The following SLC22A3 variants were observed in gnomAD, a reference collection of about 807,000 sequenced individuals.
SLC22A3 encodes solute carrier family 22 member 3.
Under a neutral mutation model 59.1 loss-of-function variants are expected in SLC22A3, and 51 were observed. The ratio of observed to expected loss-of-function variants is 0.86; its 90% CI spans 0.69 to 1.09. SLC22A3 has a LOEUF of 1.09. Among genes scored for constraint, SLC22A3 ranks in the 50% least tolerant of loss-of-function variants. The pLI, the probability that SLC22A3 is intolerant of heterozygous loss-of-function variation, is 0.00. For synonymous variants in SLC22A3, 325 were observed against 292.0 expected (o/e 1.11, Z -1.15); for missense variants, 711 against 726.3 (o/e 0.98, Z 0.24).
chr6:160,355,541 C>A (rs1360320585), intron 1 of SLC22A3, among the ~76,000 whole-genome samples: 1 of 151,732 alleles, frequency 6.6e-6, no homozygotes, highest in African/African-American at 2.4e-5. Context: ...GTGGGCAGAT[C>A]ACGAGGTCAG....
intron 1 of SLC22A3, among the ~76,000 whole-genome samples, chr6:160,354,130 A>G (rs569768021): frequency 9.2e-4 from 140 of 152,318 alleles, no homozygotes; most frequent in Non-Finnish European, 1.6e-3. Context: ...CAGATGTTGC[A>G]GAGACATCTG....
chr6:160,436,409 A>G (rs1051020911), intron 5 of SLC22A3, among the ~76,000 whole-genome samples: 25 of 152,176 alleles, frequency 1.6e-4, no homozygotes, highest in African/African-American at 5.6e-4. Context: ...TTTGTTTGTG[A>G]AAGTCAGATT....
chr6:160,427,176 G>A (rs751663709), intron 5 of SLC22A3, among the ~76,000 whole-genome samples: 1 of 152,176 alleles, frequency 6.6e-6, no homozygotes, highest in Non-Finnish European at 1.5e-5. Flanking sequence ...TGATGGGGAA[G>A]GTTGAGGGCA....
At chr6:160,406,159 C>T (rs1787005983) in intron 2 of SLC22A3, among the ~76,000 whole-genome samples, 1 of 152,076 alleles carries the variant, frequency 6.6e-6, no homozygotes, top group Admixed American at 6.6e-5. Context: ...AAGGAGTATG[C>T]TGTGCATGTG....
At chr6:160,362,197 C>G (rs1785035304) in intron 1 of SLC22A3, among the ~76,000 whole-genome samples, 1 of 152,220 alleles carries the variant, frequency 6.6e-6, no homozygotes, top group African/African-American at 2.4e-5. Flanking sequence ...AGATGCCTCT[C>G]AGTTTCCATC....
chr6:160,401,625 A>G (rs1786785429), intron 2 of SLC22A3, among the ~76,000 whole-genome samples: 1 of 151,996 alleles, frequency 6.6e-6, no homozygotes, highest in South Asian at 2.1e-4. Flanking sequence ...GCAATTGAGA[A>G]TATGTTTCTT....
chr6:160,373,476 C>T (rs1785474860), intron 1 of SLC22A3, among the ~76,000 whole-genome samples: 1 of 152,146 alleles, frequency 6.6e-6, no homozygotes, highest in Non-Finnish European at 1.5e-5. Flanking sequence ...AGTCAGGAGG[C>T]ATGGTGGTTA....
At chr6:160,403,439 ATGGG>A (rs2114844454) in intron 2 of SLC22A3, among the ~76,000 whole-genome samples, 1 of 152,036 alleles carries the variant, frequency 6.6e-6, no homozygotes, top group East Asian at 1.9e-4. Context: ...CCAGGCCCAG[ATGGG>A]TTCACAGGTG....
chr6:160,425,038 G>T (rs1332553172), intron 5 of SLC22A3, among the ~76,000 whole-genome samples: 2 of 152,130 alleles, frequency 1.3e-5, no homozygotes, highest in East Asian at 1.9e-4. Flanking sequence ...TCTCAAGTTA[G>T]CAGGGGACAG....
intron 9 of SLC22A3, among the ~76,000 whole-genome samples, chr6:160,444,560 T>G (rs576441231): frequency 6.6e-6 from 1 of 151,994 alleles, no homozygotes; most frequent in Non-Finnish European, 1.5e-5. Context: ...CCAGCTTCCA[T>G]AGGACTTGTG....
rs182258854 is a variant in SLC22A3, at chr6:160,395,252, G to A, written c.430-2727G>A. Among the ~76,000 whole-genome samples the A allele has an allele frequency of 8.5e-5, 13 of 152,312 alleles. No individual in the cohort carries two copies. In the East Asian group the frequency reaches 2.5e-3, roughly 29 times the overall value. ...TATTATATTAAAGAATATTTTATGG[G>A]TTTAAAGAATATTTTGGGGGCATTT... On this transcript the variant is annotated intron_variant, in intron 1 of 10. Transcript: ENST00000275300.
At chr6:160,392,186 T>G (rs1351267490) in intron 1 of SLC22A3, among the ~76,000 whole-genome samples, 1 of 152,156 alleles carries the variant, frequency 6.6e-6, no homozygotes, top group Admixed American at 6.5e-5. Context: ...CCCAGTCATG[T>G]GCCAGGCAGA....
chr6:160,363,847 T>C (rs774077236), intron 1 of SLC22A3, among the ~76,000 whole-genome samples: 10 of 151,812 alleles, frequency 6.6e-5, no homozygotes, highest in Non-Finnish European at 1.5e-4. Flanking sequence ...CTGTTCAGCA[T>C]GCCGGCCCCA....
intron 4 of SLC22A3, among the ~76,000 whole-genome samples, chr6:160,409,535 C>G (rs981078246): frequency 6.8e-6 from 1 of 147,634 alleles, no homozygotes; most frequent in Admixed American, 6.8e-5. Context: ...GGGTATATAC[C>G]CAGTAATGGG....
chr6:160,425,390 T>C (rs1482303946), intron 5 of SLC22A3, among the ~76,000 whole-genome samples: 1 of 152,236 alleles, frequency 6.6e-6, no homozygotes, highest in Admixed American at 6.5e-5. Flanking sequence ...AGATAGTTAC[T>C]GGGTGCTGTA....
chr6:160,407,304 T>C, intron 3 of SLC22A3, 109 bp downstream of exon 3: 4 of 1,117,640 alleles, frequency 3.6e-6, no homozygotes, highest in Non-Finnish European at 5.1e-6. Context: ...ACAAAGGAGG[T>C]TTCACTGCAG....
intron 9 of SLC22A3, among the ~76,000 whole-genome samples, chr6:160,446,432 G>T (rs948865356): frequency 3.3e-5 from 5 of 152,220 alleles, no homozygotes; most frequent in African/African-American, 1.2e-4. Context: ...ACATGACTGG[G>T]GAAGCCTCAG....
intron 1 of SLC22A3, among the ~76,000 whole-genome samples, chr6:160,379,501 C>T (rs888792427): frequency 6.6e-6 from 1 of 152,192 alleles, no homozygotes; most frequent in Admixed American, 6.5e-5. Context: ...TAATTTAGTA[C>T]CTTCCTTTTT....
intron 10 of SLC22A3, among the ~76,000 whole-genome samples, chr6:160,449,405 T>G (rs972689466): frequency 1.3e-5 from 2 of 152,018 alleles, no homozygotes. Context: ...GTTGGGTACA[T>G]TAATTAATTA....
Sources: gnomAD v4.1 joint callset for allele counts (sites outside exome capture counted in the v4.1 genomes callset) on GRCh38, gnomAD v4.1.1 for gene constraint, MANE v1.5 for transcripts, NCBI Gene and HGNC (gene_info 2026-07-23, HGNC 2026-07-21) for gene names.